Variants in ZNF385B observed in about 807,000 individuals in gnomAD.
ZNF385B encodes the protein zinc finger protein 385B, also known as zinc finger protein 533.
Under a neutral mutation model 39.2 loss-of-function variants are expected in ZNF385B, and 23 were observed. That is an observed-to-expected ratio of 0.59 (90% CI 0.42 to 0.83). The LOEUF (loss-of-function observed/expected upper bound fraction) is 0.83, where lower values mean the gene tolerates loss of function less well. ZNF385B is among the 40% of genes least tolerant of loss of function. The probability of loss-of-function intolerance (pLI) is 0.00; values close to 1 mark genes in which losing one functional copy is unlikely to be tolerated. For synonymous variants in ZNF385B, 205 were observed against 222.6 expected, an observed-to-expected ratio of 0.92 and a Z score of 0.70; for missense variants, 552 against 598.9, an observed-to-expected ratio of 0.92 and a Z score of 0.82.
intron 1 of ZNF385B, among the ~76,000 whole-genome samples, chr2:179,809,704 C>T (rs1304158329): frequency 1.3e-5 from 2 of 151,784 alleles, no homozygotes; most frequent in African/African-American, 2.4e-5. Flanking sequence ...ACGTGGGACA[C>T]GAGCAAAAAA....
intron 3 of ZNF385B, among the ~76,000 whole-genome samples, chr2:179,669,846 A>C (rs929556361): frequency 1.3e-5 from 2 of 152,180 alleles, no homozygotes; most frequent in Non-Finnish European, 2.9e-5. Flanking sequence ...AGGTCTCACA[A>C]GTTAAACCCT....
At chr2:179,697,960 A>G (rs1698892965) in intron 3 of ZNF385B, among the ~76,000 whole-genome samples, 1 of 152,164 alleles carries the variant, frequency 6.6e-6, no homozygotes, top group African/African-American at 2.4e-5. Context: ...CAAACACCGC[A>G]TGTTCTCACT....
At chr2:179,760,714 G>A (rs1364336585) in intron 3 of ZNF385B, among the ~76,000 whole-genome samples, 1 of 152,072 alleles carries the variant, frequency 6.6e-6, no homozygotes, top group Admixed American at 6.6e-5. Context: ...AAACCCAACG[G>A]CAAGCATCCT....
At chr2:179,494,500 T>A (rs986856066) in intron 5 of ZNF385B, among the ~76,000 whole-genome samples, 3 of 152,176 alleles carry the variant, frequency 2.0e-5, no homozygotes, top group African/African-American at 7.2e-5. Context: ...TTAACGGATA[T>A]TTATAATTTT....
chr2:179,833,564 G>T (rs987844095), intron 1 of ZNF385B, among the ~76,000 whole-genome samples: 1 of 152,072 alleles, frequency 6.6e-6, no homozygotes, highest in African/African-American at 2.4e-5. Context: ...GTTTGATAAA[G>T]CTGTCCTATT....
chr2:179,465,914 A>G (rs977034001), intron 6 of ZNF385B, among the ~76,000 whole-genome samples: 4 of 152,292 alleles, frequency 2.6e-5, no homozygotes, highest in African/African-American at 9.6e-5. Context: ...TTTATGCCCA[A>G]TGTACAGAAA....
At position 179,770,685 on chromosome 2, in the gene ZNF385B, A is replaced by G. The variant is rs1266099936; in HGVS notation, c.-154-13T>C. ...AAATGTAGAACATCTGAAATACAAA[A>G]TAATATAAAATTTTAGTAAACTGGT... is the stretch of plus-strand genomic sequence containing the variant. On this transcript the variant is annotated splice_polypyrimidine_tract_variant and intron_variant, in intron 1 of 9. Transcript: ENST00000410066. 6.6e-6 allele frequency: 1 copy of G among 152,262 alleles called. No homozygotes were observed. The highest frequency in any genetic ancestry group is 1.5e-5 in the Non-Finnish European group (1 of 68,048). The allele number at this position is 152,262 out of a possible 1,614,324, so 9.4% of individuals were successfully genotyped here.
At chr2:179,767,835 A>G (rs1703793188) in intron 3 of ZNF385B, among the ~76,000 whole-genome samples, 3 of 151,592 alleles carry the variant, frequency 2.0e-5, no homozygotes, top group Admixed American at 1.3e-4. Flanking sequence ...ACACCATAAC[A>G]GATGTAATTC....
At chr2:179,717,795 C>T (rs1700425693) in intron 3 of ZNF385B, among the ~76,000 whole-genome samples, 2 of 152,136 alleles carry the variant, frequency 1.3e-5, no homozygotes, top group Admixed American at 1.3e-4. Flanking sequence ...TCCTACCTCT[C>T]ATTATACCTA....
At chr2:179,635,356 G>A (rs904120026) in intron 3 of ZNF385B, among the ~76,000 whole-genome samples, 3 of 130,092 alleles carry the variant, frequency 2.3e-5, no homozygotes, top group Admixed American at 8.5e-5. Flanking sequence ...GACACAGAGT[G>A]AGGAACATCA....
intron 4 of ZNF385B, among the ~76,000 whole-genome samples, chr2:179,531,140 T>C (rs1297420420): frequency 6.6e-6 from 1 of 152,152 alleles, no homozygotes; most frequent in Non-Finnish European, 1.5e-5. Flanking sequence ...TGGAGAATTT[T>C]AGTGACTTGT....
At chr2:179,728,404 T>C (rs750563612) in intron 3 of ZNF385B, among the ~76,000 whole-genome samples, 1 of 152,106 alleles carries the variant, frequency 6.6e-6, no homozygotes, top group Non-Finnish European at 1.5e-5. Context: ...AACACCCACA[T>C]AACTACGTGA....
At chr2:179,842,331 C>G (rs915401488) in intron 1 of ZNF385B, among the ~76,000 whole-genome samples, 1 of 151,954 alleles carries the variant, frequency 6.6e-6, no homozygotes, top group Non-Finnish European at 1.5e-5. Context: ...TTTACAAAAC[C>G]AGTTTGTGTT....
At chr2:179,820,142 T>A (rs908800247) in intron 1 of ZNF385B, among the ~76,000 whole-genome samples, 2 of 152,086 alleles carry the variant, frequency 1.3e-5, no homozygotes, top group African/African-American at 4.8e-5. Context: ...TTTTCTTAAG[T>A]GGTAAGAATT....
intron 1 of ZNF385B, among the ~76,000 whole-genome samples, chr2:179,829,115 C>T: frequency 6.6e-6 from 1 of 151,986 alleles, no homozygotes; most frequent in Non-Finnish European, 1.5e-5. Context: ...AGCTCCAAAT[C>T]ATACACACCA....
At chr2:179,622,030 T>A (rs536240298) in intron 3 of ZNF385B, among the ~76,000 whole-genome samples, 19 of 152,166 alleles carry the variant, frequency 1.2e-4, no homozygotes, top group Non-Finnish European at 2.5e-4. Context: ...TATACTAAGC[T>A]GTAACTTTTT....
At chr2:179,816,058 C>T (rs1330265636) in intron 1 of ZNF385B, among the ~76,000 whole-genome samples, 1 of 152,082 alleles carries the variant, frequency 6.6e-6, no homozygotes, top group Non-Finnish European at 1.5e-5. Context: ...ACTTCAGACT[C>T]AGTCAGAACT....
At chr2:179,723,825 A>C (rs1365017205) in intron 3 of ZNF385B, among the ~76,000 whole-genome samples, 6 of 152,132 alleles carry the variant, frequency 3.9e-5, no homozygotes, top group African/African-American at 1.4e-4. Flanking sequence ...TTTCATTTAA[A>C]AATACTCTAC....
At position 179,792,370 on chromosome 2, in the gene ZNF385B, C is replaced by CTTTTTTTTTTTTTT. The variant is rs1346808450; in HGVS notation, c.-154-21699_-154-21698insAAAAAAAAAAAAAA. Among the ~76,000 whole-genome samples the CTTTTTTTTTTTTTT allele has an allele frequency of 1.2e-3, 84 of 70,672 alleles. 6 individuals are homozygous for CTTTTTTTTTTTTTT. The highest frequency in any genetic ancestry group is 8.9e-3 in the Middle Eastern group (1 of 112). The allele number at this position is 70,672 out of a possible 152,430, so 46.4% of individuals were successfully genotyped here. ...CTGAAGAAGTAGGCCATTTCATTTT[C>CTTTTTTTTTTTTTT]TTTTCTTTTTTTTTTTTTTTTGAGA... On this transcript the variant is annotated intron_variant, in intron 1 of 9. Coordinates refer to ENST00000410066, the MANE Select transcript of ZNF385B (RefSeq NM_152520.6).
Sources: allele counts gnomAD v4.1 joint callset (sites outside exome capture counted in the v4.1 genomes callset), GRCh38; gene constraint gnomAD v4.1.1; transcripts MANE v1.5; gene names NCBI Gene and HGNC (gene_info 2026-07-23, HGNC 2026-07-21).